The following ADAMTS7 variants were observed in gnomAD, a reference collection of about 807,000 sequenced individuals.
ADAMTS7 encodes the protein ADAM metallopeptidase with thrombospondin type 1 motif 7, also known as A disintegrin and metalloproteinase with thrombospondin motifs 7.
Under a neutral mutation model 172.6 loss-of-function variants are expected in ADAMTS7, and 89 were observed. The ratio of observed to expected loss-of-function variants is 0.52; its 90% CI spans 0.43 to 0.61. ADAMTS7 has a LOEUF of 0.61. Among genes scored for constraint, ADAMTS7 ranks in the 20% least tolerant of loss-of-function variants. The pLI is 0.00. For missense variants in ADAMTS7, 1,973 were observed against 2,355.6 expected (o/e 0.84, Z 3.36); for synonymous variants, 885 against 978.4 (o/e 0.90, Z 1.78).
At chr15:78,783,529 T>C (rs2055461421) in intron 8 of ADAMTS7, among the ~76,000 whole-genome samples, 1 of 152,016 alleles carries the variant, frequency 6.6e-6, no homozygotes, top group Non-Finnish European at 1.5e-5. Context: ...CCGCCTGCCT[T>C]AGCCTCCCAA....
intron 22 of ADAMTS7, 44 bp downstream of exon 22, chr15:78,763,629 TCACCCAACCCAAGACTGACCAGGCGC>T (rs2141470005): frequency 1.4e-6 from 2 of 1,478,062 alleles, no homozygotes; most frequent in East Asian, 4.7e-5. Flanking sequence ...CACAGCTCCT[TCACCCAACCCAAGACTGACCAGGCGC>T]CACCAAGCAC....
intron 10 of ADAMTS7, 59 bp downstream of exon 10, chr15:78,776,689 GT>G: frequency 6.8e-7 from 1 of 1,477,966 alleles, no homozygotes; most frequent in Non-Finnish European, 9.2e-7. Flanking sequence ...CCAGGGCCTG[GT>G]CACAGCAGGA....
In ADAMTS7 at chr15:78,788,348, C is replaced by T. The variant is rs761573786; in HGVS notation, c.1205G>A (p.Gly402Asp). 5.0e-6 allele frequency: 8 copies of T among 1,612,986 alleles called. No homozygotes were observed. The Admixed American group carries it at 8.3e-5, about 17-fold the overall frequency. The stretch of plus-strand genomic sequence containing the variant: ...TTTCCCAACGGGCTCACAGTCATTG[C>T]CGCTTCCGTCATGCTGAATGCCAAA... ...HSFGIQHDGS[G>D]NDCEPVGKRP... Residue 402 changes from glycine to aspartate, a missense_variant, in exon 8 of 24, where the codon GGC becomes GAC. Physicochemically the swap from Gly to Asp is moderately conservative, Grantham distance 94. Coordinates refer to ENST00000388820, the MANE Select transcript of ADAMTS7 (RefSeq NM_014272.5).
At position 78,796,796 on chromosome 15, in the gene ADAMTS7, C is replaced by A. The variant is rs571893357; in HGVS notation, c.623-10G>T. Reference sequence around the variant, plus strand: ...TCCAGCTCTGGGTACACTGGAGGCCCAGATGGGGTGGAGTTAGCTGCCAGT... The same window carrying A: ...TCCAGCTCTGGGTACACTGGAGGCCAAGATGGGGTGGAGTTAGCTGCCAGT... On this transcript the variant is annotated splice_polypyrimidine_tract_variant and intron_variant, in intron 3 of 23. Coordinates refer to ENST00000388820, the MANE Select transcript of ADAMTS7 (RefSeq NM_014272.5). 6.2e-7 allele frequency: 1 copy of A among 1,602,428 alleles called. No homozygotes were observed. Among genetic ancestry groups the A allele is most frequent in the Non-Finnish European group, 8.5e-7 (1 of 1,176,986 alleles).
Position 78,774,617 on chromosome 15 carries a change from C to T in ADAMTS7, c.1876+7G>A. 1 of 1,611,716 alleles carries T rather than the reference C, an allele frequency of 6.2e-7. No individual in the cohort carries two copies. The highest frequency in any genetic ancestry group is 8.5e-7 in the Non-Finnish European group (1 of 1,179,806). On this transcript the variant is annotated splice_region_variant and intron_variant, in intron 12 of 23. Transcript: ENST00000388820. ...GCCTCAATGTCTCCATGGGGGGCAG[C>T]ACTCACCGTCATTGACCACGGGCAC...
chr15:78,782,891 CGGGG>C (rs1396465718), intron 8 of ADAMTS7, among the ~76,000 whole-genome samples: 38 of 148,220 alleles, frequency 2.6e-4, no homozygotes, highest in Admixed American at 2.3e-3. Context: ...AGCAGAGGGC[CGGGG>C]ATCACTCCCT....
intron 1 of ADAMTS7, among the ~76,000 whole-genome samples, chr15:78,806,085 C>A (rs1354036274): frequency 8.3e-6 from 1 of 120,104 alleles, no homozygotes; most frequent in Admixed American, 9.5e-5. Context: ...GACTCCCCCC[C>A]CCAAAAACAC....
intron 7 of ADAMTS7, 34 bp from the exon 8 acceptor site, chr15:78,788,408 G>A: frequency 6.2e-7 from 1 of 1,606,382 alleles, no homozygotes; most frequent in Non-Finnish European, 8.5e-7. Flanking sequence ...GGGCGGGTGA[G>A]CCGGCGGGAG....
At position 78,764,725 on chromosome 15, in the gene ADAMTS7, G is replaced by A. The variant is rs191945407; in HGVS notation, c.4267-18C>T. ...GTAGAGCACTGCGGGGCAGAGACCC[G>A]TGAAAGCCAGGCAGATCCCATCCCC... On this transcript the variant is annotated intron_variant, in intron 19 of 23. Coordinates refer to ENST00000388820, the MANE Select transcript of ADAMTS7 (RefSeq NM_014272.5). 7.3e-4 allele frequency: 1,084 copies of A among 1,481,782 alleles called. 9 individuals carry two copies. In the African/African-American group the frequency reaches 0.011, roughly 15 times the overall value. 91.8% of individuals were successfully genotyped at this position (1,481,782 alleles called of 1,614,324 possible).
intron 8 of ADAMTS7, among the ~76,000 whole-genome samples, chr15:78,784,972 A>C (rs2141502064): frequency 6.6e-6 from 1 of 151,992 alleles, no homozygotes; most frequent in Middle Eastern, 3.4e-3. Context: ...ACAAATTAAA[A>C]AAAAAAAAAA....
intron 1 of ADAMTS7, among the ~76,000 whole-genome samples, chr15:78,803,512 G>C (rs2055752113): frequency 6.7e-6 from 1 of 149,792 alleles, no homozygotes; most frequent in Admixed American, 6.7e-5. Flanking sequence ...TAGTGCAGTA[G>C]CTCAATCTTG....
chr15:78,771,640 C>G lies in ADAMTS7; in HGVS notation c.2321G>C (p.Gly774Ala). 1 of 1,601,960 alleles carries G rather than the reference C, an allele frequency of 6.2e-7. No homozygotes were observed. The highest frequency in any genetic ancestry group is 8.5e-7 in the Non-Finnish European group (1 of 1,179,742). Reference protein sequence around the residue: ...AGTTFTYARRGNWENLTSPGP... With the variant: ...AGTTFTYARRANWENLTSPGP... ...CGGGGACGTGAGGTTCTCCCAGTTG[C>G]CCCTGCGTGCGTATGTGAAGGTGGT... The change falls in exon 15 of 24, where the codon GGC becomes GCC. Residue 774 changes from glycine (G) to alanine (A), a missense_variant. Gly to Ala is a moderately conservative substitution (Grantham distance 60). This residue lies in a region of ADAMTS7 where 771 missense variants were observed against 952.6 expected (regional missense o/e 0.81). Coordinates refer to ENST00000388820, the MANE Select transcript of ADAMTS7 (RefSeq NM_014272.5). The surrounding 1 kb of genome is among the most constrained non-coding windows in gnomAD (Gnocchi z 4.9).
At chr15:78,786,222 A>G (rs769289399) in intron 8 of ADAMTS7, among the ~76,000 whole-genome samples, 2 of 151,876 alleles carry the variant, frequency 1.3e-5, no homozygotes, top group Non-Finnish European at 2.9e-5. Flanking sequence ...AAGCCACCAC[A>G]AGCAAGGTCC....
chr15:78,789,802 C>T lies in ADAMTS7; in HGVS notation c.1065G>A (p.Glu355=). 6.2e-7 allele frequency: 1 copy of T among 1,606,320 alleles called. No homozygotes were observed. The highest frequency in any genetic ancestry group is 8.5e-7 in the Non-Finnish European group (1 of 1,176,826). Residue 355 remains glutamate (E), a synonymous_variant, in exon 7 of 24, where the codon GAG becomes GAA. Transcript: ENST00000388820. The part of the protein sequence containing the change: ...DLCAAMNRPC[E]TLGLSHVAGM... ...CCGCCACATGGGACAGTCCCAGGGT[C>T]TCACAGGGCCGGTTCATGGCTGCAC...
chr15:78,767,486 C>T lies in ADAMTS7; in HGVS notation c.2752G>A (p.Ala918Thr). ...TGTTCACAGGCGGGTGGCTCCAGGG[C>T]GCTCTGCTCATCCAGCCCCACGCTG... ...IRSVGLDEQSALEPPACEHLP... is the reference protein window; with the variant it reads ...IRSVGLDEQSTLEPPACEHLP... Residue 918 changes from alanine (A) to threonine (T), a missense_variant, in exon 18 of 24, where the codon GCC (alanine) becomes ACC (threonine). Ala to Thr is a moderately conservative substitution (Grantham distance 58, BLOSUM62 0). This residue lies in a region of ADAMTS7 where 771 missense variants were observed against 952.6 expected (regional missense o/e 0.81). Coordinates refer to ENST00000388820, the MANE Select transcript of ADAMTS7 (RefSeq NM_014272.5). 4.3e-6 allele frequency: 7 copies of T among 1,610,722 alleles called. No individual in the cohort carries two copies. The highest frequency in any genetic ancestry group is 2.2e-5 in the South Asian group (2 of 90,822).
chr15:78,794,292 G>T (rs191131479), intron 4 of ADAMTS7, among the ~76,000 whole-genome samples: 5 of 152,282 alleles, frequency 3.3e-5, no homozygotes, highest in Non-Finnish European at 7.4e-5. Context: ...GAGGTGGTGG[G>T]TGTTGAACAC....
rs146963734 is a variant in ADAMTS7, at chr15:78,793,267, C to T, written c.820-2044G>A. The stretch of plus-strand genomic sequence containing the variant: ...GCTTATATCCTAAGTTTGGGGAATG[C>T]TGCCTGCCTATTCTGTTGGGGATTC... On this transcript the variant is annotated intron_variant, in intron 4 of 23. Coordinates refer to ENST00000388820, the MANE Select transcript of ADAMTS7 (RefSeq NM_014272.5). Among the ~76,000 whole-genome samples, 7 of 152,224 alleles carry T rather than the reference C, an allele frequency of 4.6e-5. No homozygotes were observed. The East Asian group carries it at 1.2e-3, about 25-fold the overall frequency.
rs748472276 is a variant in ADAMTS7, at chr15:78,788,322, G to A, written c.1231C>T (p.Arg411Ter). 2.5e-6 allele frequency: 4 copies of A among 1,613,470 alleles called. No individual in the cohort carries two copies. Among genetic ancestry groups the A allele is most frequent in the South Asian group, 2.2e-5 (2 of 91,056 alleles). The change falls in exon 8 of 24, where the codon CGA becomes TGA. Residue 411 changes from arginine to a stop codon, truncating the protein, a stop_gained. Coordinates refer to ENST00000388820, the MANE Select transcript of ADAMTS7 (RefSeq NM_014272.5). LOFTEE classifies it high-confidence loss of function. The part of the protein sequence containing the change: ...SGNDCEPVGK[R>*]PFIMSPQLLY... ...AGCTGTGGAGACATGATGAAAGGTC[G>A]TTTCCCAACGGGCTCACAGTCATTG... is the stretch of plus-strand genomic sequence containing the variant.
rs769553979 is a variant in ADAMTS7 at position 78,768,255 on chromosome 15, C to T, written c.2523G>A (p.Val841=). Residue 841 remains valine, a synonymous_variant, in exon 17 of 24, where the codon GTG becomes GTA. Coordinates refer to ENST00000388820, the MANE Select transcript of ADAMTS7 (RefSeq NM_014272.5). ...CCAAGCAGTACACATTCTGCCTCTG[C>T]ACACCTAGGGGCCACGGGGCTCAGC... The part of the protein sequence containing the change: ...TKCTVTCGRG[V]QRQNVYCLER... 6.2e-7 allele frequency: 1 copy of T among 1,610,742 alleles called. No homozygotes were observed. Among genetic ancestry groups the T allele is most frequent in the Non-Finnish European group, 8.5e-7 (1 of 1,179,614 alleles).
Sources: gnomAD v4.1 joint callset for allele counts (sites outside exome capture counted in the v4.1 genomes callset) on GRCh38, gnomAD v4.1.1 for gene constraint, gnomAD v4.1.1 regional missense constraint, Gnocchi (gnomAD v3.1) non-coding constraint, MANE v1.5 for transcripts, NCBI Gene and HGNC (gene_info 2026-07-23, HGNC 2026-07-21) for gene names.